ABHD16A: variants seen among roughly 807,000 people sequenced by gnomAD.
The protein encoded by ABHD16A is phosphatidylserine lipase ABHD16A.
ABHD16A carries 47 observed loss-of-function variants against 89.8 expected under a neutral mutation model. The ratio of observed to expected loss-of-function variants is 0.52; its 90% CI spans 0.41 to 0.67. The LOEUF (loss-of-function observed/expected upper bound fraction) is 0.67, where lower values mean the gene tolerates loss of function less well. Ranked by LOEUF, ABHD16A falls within the 30% of genes least tolerant of loss-of-function variation. The pLI is 0.00. For missense variants in ABHD16A, 580 were observed against 734.6 expected (o/e 0.79, Z 2.43); for synonymous variants, 251 against 280.4 (o/e 0.90, Z 1.05).
Position 31,689,674 on chromosome 6 carries a change from C to A in ABHD16A, c.988G>T (p.Ala330Ser). 6.2e-7 allele frequency: 1 copy of A among 1,612,328 alleles called. No individual in the cohort carries two copies. Among genetic ancestry groups the A allele is most frequent in the Non-Finnish European group, 8.5e-7 (1 of 1,179,668 alleles). The change falls in exon 12 of 20, where the codon GCC becomes TCC. Residue 330 changes from alanine to serine, a missense_variant. Physicochemically the swap from Ala to Ser is moderately conservative, Grantham distance 99. This residue lies in a region of ABHD16A where 415 missense variants were observed against 568.8 expected (regional missense o/e 0.73). Transcript: ENST00000395952. ...GVPFPQNEAN[A>S]MDVVVQFAIH... ...GCAAACTGGACCACCACATCCATGG[C>A]ATTAGCCTCATTCTGCGGGAATGGC...
At position 31,688,889 on chromosome 6, in the gene ABHD16A, G is replaced by A; in HGVS notation, c.1187-103C>T. The A allele has an allele frequency of 7.0e-7, 1 of 1,436,972 alleles. No individual in the cohort carries two copies. Among genetic ancestry groups the A allele is most frequent in the East Asian group, 2.4e-5 (1 of 41,276 alleles). The allele number at this position is 1,436,972 out of a possible 1,614,324, so 89.0% of individuals were successfully genotyped here. On this transcript the variant is annotated intron_variant, in intron 13 of 19. Transcript: ENST00000395952. The surrounding 1 kb of genome is among the most constrained non-coding windows in gnomAD (Gnocchi z 4.9). ...AAGAAAACTGAGGCCCCCAGACAAA[G>A]GAGTCCTCCTGCTTCCAACAATGGG...
chr6:31,690,770 GA>G lies in ABHD16A; in HGVS notation c.844-169del, dbSNP rs2151229021. Among the ~76,000 whole-genome samples, 1 of 152,256 alleles carries G rather than the reference GA, an allele frequency of 6.6e-6. No homozygotes were observed. Among genetic ancestry groups the G allele is most frequent in the East Asian group, 1.9e-4 (1 of 5,186 alleles). On this transcript the variant is annotated intron_variant, in intron 9 of 19. Coordinates refer to ENST00000395952, the MANE Select transcript of ABHD16A (RefSeq NM_021160.3). The surrounding 1 kb of genome is among the most constrained non-coding windows in gnomAD (Gnocchi z 4.1). Reference sequence around the variant, plus strand: ...TCTCATTCCACAGGGTCCATAAGAGGAGAAGCAAAGGGATTACAAATACTCC... The same window carrying G: ...TCTCATTCCACAGGGTCCATAAGAGGGAAGCAAAGGGATTACAAATACTCC...
chr6:31,694,365 T>C (rs2151239000), intron 5 of ABHD16A, among the ~76,000 whole-genome samples: 1 of 148,848 alleles, frequency 6.7e-6, no homozygotes, highest in Non-Finnish European at 1.5e-5. Context: ...TCCACGTTTT[T>C]TGACGGCAGT....
intron 9 of ABHD16A, 49 bp downstream of exon 9, chr6:31,691,530 C>T (rs369377107): frequency 2.5e-5 from 39 of 1,579,848 alleles, no homozygotes; most frequent in Non-Finnish European, 2.9e-5. Context: ...CAGACCTCTA[C>T]TGCCTTCCTC....
chr6:31,698,406 A>T lies in ABHD16A; in HGVS notation c.344-1373T>A, dbSNP rs1421857831. On this transcript the variant is annotated intron_variant, in intron 4 of 19. Transcript: ENST00000395952. The surrounding 1 kb of genome is among the most constrained non-coding windows in gnomAD (Gnocchi z 4.1). ...TAAAGCAAATATCACAAAACTATATATAAAAAAAAAATCACAAAACTATAC... is the reference window on the plus strand; with the variant it reads ...TAAAGCAAATATCACAAAACTATATTTAAAAAAAAAATCACAAAACTATAC... Among the ~76,000 whole-genome samples, 1 of 150,430 alleles carries T rather than the reference A, an allele frequency of 6.6e-6. No individual in the cohort carries two copies. Among genetic ancestry groups the T allele is most frequent in the Non-Finnish European group, 1.5e-5 (1 of 67,922 alleles).
intron 9 of ABHD16A, chr6:31,691,333 TAA>T (rs983625571): frequency 2.0e-6 from 1 of 506,936 alleles, no homozygotes; most frequent in South Asian, 3.2e-5. Context: ...TAAATATATA[TAA>T]GTGTGAAGTG....
At chr6:31,699,080 C>G (rs1016971556) in intron 4 of ABHD16A, among the ~76,000 whole-genome samples, 17 of 152,306 alleles carry the variant, frequency 1.1e-4, no homozygotes, top group Admixed American at 1.1e-3. Context: ...TGTTCTCCCC[C>G]ACCCCAGGTA....
At position 31,688,783 on chromosome 6, in the gene ABHD16A, C is replaced by T. The variant is rs559219579; in HGVS notation, c.1190G>A (p.Gly397Asp). Residue 397 changes from glycine (G) to aspartate (D), a missense_variant, in exon 14 of 20, where the codon GGC (glycine) becomes GAC (aspartate). By Grantham distance (94) the Gly-to-Asp change is moderately conservative. This residue lies in a region of ABHD16A where 415 missense variants were observed against 568.8 expected (regional missense o/e 0.73). Transcript: ENST00000395952. This position sits in a 1 kb window ranked among gnomAD's most constrained non-coding sequence, Gnocchi z 4.9. Reference protein sequence around the residue: ...ALKVMPDSWRGLVTRTVRQHL... With the variant: ...ALKVMPDSWRDLVTRTVRQHL... ...CTGCCTCACGGTCCTGGTCACCAGG[C>T]CCCCTAGAGTGGGATAAAGGTGAAG... The T allele has an allele frequency of 3.1e-6, 5 of 1,612,756 alleles. No individual in the cohort carries two copies. In the East Asian group the frequency reaches 8.9e-5, roughly 29 times the overall value.
At position 31,702,148 on chromosome 6, in the gene ABHD16A, C is replaced by T. The variant is rs1805077959; in HGVS notation, c.133-18G>A. ...TACGTATCCTGCCAAAACAGATGGC[C>T]TCCTTAAGGACCCTGCCCACTGGCA... On this transcript the variant is annotated intron_variant, in intron 1 of 19. Transcript: ENST00000395952. The T allele has an allele frequency of 1.2e-6, 2 of 1,612,938 alleles. No individual in the cohort carries two copies. Among genetic ancestry groups the T allele is most frequent in the Non-Finnish European group, 1.7e-6 (2 of 1,179,920 alleles).
chr6:31,688,613 G>A lies in ABHD16A; in HGVS notation c.1250+110C>T. On this transcript the variant is annotated intron_variant, in intron 14 of 19. Coordinates refer to ENST00000395952, the MANE Select transcript of ABHD16A (RefSeq NM_021160.3). The surrounding 1 kb of genome is among the most constrained non-coding windows in gnomAD (Gnocchi z 4.9). The stretch of plus-strand genomic sequence containing the variant: ...GGTGGCAGGGTCACTCAGGATGTGA[G>A]CCAGTGGCCTTTTACCAACTTGCAC... The A allele has an allele frequency of 7.8e-7, 1 of 1,284,870 alleles. No homozygotes were observed. The highest frequency in any genetic ancestry group is 1.1e-6 in the Non-Finnish European group (1 of 909,374). 79.6% of individuals were successfully genotyped at this position (1,284,870 alleles called of 1,614,324 possible).
Position 31,693,501 on chromosome 6 carries a change from A to C in ABHD16A, c.430-69T>G, listed in dbSNP as rs1057113950. On this transcript the variant is annotated intron_variant, in intron 5 of 19. Transcript: ENST00000395952. This position sits in a 1 kb window ranked among gnomAD's most constrained non-coding sequence, Gnocchi z 5.0. ...GAGGCTCTCCTACCCACCCTCAACA[A>C]CACCTTCGTTATCCAGGGGTCTGAT... 7 of 1,449,472 alleles carry C rather than the reference A, an allele frequency of 4.8e-6. No homozygotes were observed. The highest frequency in any genetic ancestry group is 5.8e-6 in the Non-Finnish European group (6 of 1,039,374). 89.8% of individuals were successfully genotyped at this position (1,449,472 alleles called of 1,614,324 possible).
chr6:31,701,930 G>C, intron 2 of ABHD16A, 144 bp downstream of exon 2: 1 of 804,268 alleles, frequency 1.2e-6, no homozygotes, highest in Non-Finnish European at 2.1e-6. Flanking sequence ...GTGTGCCTGT[G>C]TGTCTGTGTT....
Position 31,688,326 on chromosome 6 carries a change from G to A in ABHD16A, c.1251-21C>T, listed in dbSNP as rs1258604300. The A allele has an allele frequency of 6.2e-7, 1 of 1,612,836 alleles. No homozygotes were observed. The highest frequency in any genetic ancestry group is 1.1e-5 in the South Asian group (1 of 91,062). On this transcript the variant is annotated intron_variant, in intron 14 of 19. Transcript: ENST00000395952. The surrounding 1 kb of genome is among the most constrained non-coding windows in gnomAD (Gnocchi z 4.9). ...GGTATCTTCAGAGAACAGAGCAGTG[G>A]GAAGGGAGAGCTCAGAGGGAGACGG...
rs755670742 is a variant in ABHD16A at position 31,688,998 on chromosome 6, C to CT, written c.1186+16dup. The CT allele has an allele frequency of 1.9e-6, 3 of 1,608,484 alleles. No individual in the cohort carries two copies. The highest frequency in any genetic ancestry group is 2.6e-6 in the Non-Finnish European group (3 of 1,176,456). On this transcript the variant is annotated intron_variant, in intron 13 of 19. Transcript: ENST00000395952. The surrounding 1 kb of genome is among the most constrained non-coding windows in gnomAD (Gnocchi z 4.9). Reference sequence around the variant, plus strand: ...CCACCCCTTCCCAGGAAGGGCAGGCCTGGGAGCTGCACTCACTCCAGCTGT... The same window carrying CT: ...CCACCCCTTCCCAGGAAGGGCAGGCCTTGGGAGCTGCACTCACTCCAGCTGT...
In ABHD16A at chr6:31,701,360, A is replaced by G. The variant is rs1804972995; in HGVS notation, c.190-20T>C. ...TGAAGCCTGCAGCAGAGAGACAGGGACAGGCAATCAATACACACACACACA... is the reference window on the plus strand; with the variant it reads ...TGAAGCCTGCAGCAGAGAGACAGGGGCAGGCAATCAATACACACACACACA... On this transcript the variant is annotated intron_variant, in intron 2 of 19. Coordinates refer to ENST00000395952, the MANE Select transcript of ABHD16A (RefSeq NM_021160.3). 2 of 1,573,712 alleles carry G rather than the reference A, an allele frequency of 1.3e-6. No homozygotes were observed. The highest frequency in any genetic ancestry group is 1.7e-6 in the Non-Finnish European group (2 of 1,159,044).
chr6:31,693,983 C>T lies in ABHD16A; in HGVS notation c.430-551G>A, dbSNP rs1804146955. Among the ~76,000 whole-genome samples the T allele has an allele frequency of 6.6e-6, 1 of 152,180 alleles. No homozygotes were observed. The highest frequency in any genetic ancestry group is 2.4e-5 in the African/African-American group (1 of 41,436). On this transcript the variant is annotated intron_variant, in intron 5 of 19. Coordinates refer to ENST00000395952, the MANE Select transcript of ABHD16A (RefSeq NM_021160.3). The surrounding 1 kb of genome is among the most constrained non-coding windows in gnomAD (Gnocchi z 5.0). ...TCACAACTACATCCCTTCCTCAACT[C>T]CTGCAGCCATGGATCAGTGTTGCCC...
In ABHD16A at chr6:31,688,640, T is replaced by G; in HGVS notation, c.1250+83A>C. On this transcript the variant is annotated intron_variant, in intron 14 of 19. Coordinates refer to ENST00000395952, the MANE Select transcript of ABHD16A (RefSeq NM_021160.3). The surrounding 1 kb of genome is among the most constrained non-coding windows in gnomAD (Gnocchi z 4.9). ...CAGTGGCCTTTTACCAACTTGCACT[T>G]TAGTACTAGTTTCAGGGTTTGAGCG... The G allele has an allele frequency of 2.0e-6, 3 of 1,489,682 alleles. No individual in the cohort carries two copies. Among genetic ancestry groups the G allele is most frequent in the Non-Finnish European group, 2.8e-6 (3 of 1,075,720 alleles). 92.3% of individuals were successfully genotyped at this position (1,489,682 alleles called of 1,614,324 possible). A position where few individuals can be genotyped will look rare whatever the true frequency, so the allele number is the denominator to read the frequency against.
At chr6:31,699,385 G>A (rs1238609264) in intron 4 of ABHD16A, among the ~76,000 whole-genome samples, 1 of 146,280 alleles carries the variant, frequency 6.8e-6, no homozygotes, top group African/African-American at 2.5e-5. Flanking sequence ...CTCCAGCCTG[G>A]GGGACAGAGC....
chr6:31,697,362 T>C (rs1261454384), intron 4 of ABHD16A, among the ~76,000 whole-genome samples: 1 of 152,186 alleles, frequency 6.6e-6, no homozygotes, highest in Non-Finnish European at 1.5e-5. Flanking sequence ...TTAAACACTA[T>C]CATATAATAC....
Sources: allele counts gnomAD v4.1 joint callset (sites outside exome capture counted in the v4.1 genomes callset), GRCh38; gene constraint gnomAD v4.1.1; regional missense constraint gnomAD v4.1.1; non-coding constraint Gnocchi (gnomAD v3.1); transcripts MANE v1.5; gene names NCBI Gene and HGNC (gene_info 2026-07-23, HGNC 2026-07-21).